Variants in LYN observed in about 807,000 individuals in gnomAD.
LYN encodes LYN proto-oncogene, Src family tyrosine kinase.
Under a neutral mutation model 65.0 loss-of-function variants are expected in LYN, and 12 were observed. The ratio of observed to expected loss-of-function variants is 0.18; its 90% CI spans 0.12 to 0.30. LYN has a LOEUF of 0.30. Among genes scored for constraint, LYN ranks in the 10% least tolerant of loss-of-function variants. The pLI, the probability that LYN is intolerant of heterozygous loss-of-function variation, is 1.00. For synonymous variants in LYN, 222 were observed against 221.2 expected (o/e 1.00, Z -0.03); for missense variants, 380 against 623.2 (o/e 0.61, Z 4.16).
At chr8:55,967,522 G>A (rs1807496662) in intron 9 of LYN, among the ~76,000 whole-genome samples, 1 of 151,828 alleles carries the variant, frequency 6.6e-6, no homozygotes, top group Non-Finnish European at 1.5e-5. Flanking sequence ...CGCCATGTTG[G>A]CCAGGCTGGT....
At chr8:56,007,077 T>A (rs1384394457) in intron 12 of LYN, among the ~76,000 whole-genome samples, 2 of 152,016 alleles carry the variant, frequency 1.3e-5, no homozygotes, top group East Asian at 1.9e-4. Context: ...GAAAAAAAAA[T>A]CTGCTGTGGG....
chr8:56,006,516 C>G (rs1219831438), intron 12 of LYN, among the ~76,000 whole-genome samples: 2 of 150,712 alleles, frequency 1.3e-5, no homozygotes, highest in African/African-American at 2.5e-5. Context: ...TTTTCTCCTT[C>G]TTCTGCTTCT....
intron 1 of LYN, among the ~76,000 whole-genome samples, chr8:55,906,116 T>C (rs1171175669): frequency 6.6e-6 from 1 of 152,228 alleles, no homozygotes; most frequent in Non-Finnish European, 1.5e-5. Flanking sequence ...GAGGTCGCCC[T>C]GTAAACTCTG....
At chr8:55,899,973 G>A (rs1805214885) in intron 1 of LYN, among the ~76,000 whole-genome samples, 1 of 152,134 alleles carries the variant, frequency 6.6e-6, no homozygotes, top group South Asian at 2.1e-4. Flanking sequence ...AAGTAAAGAT[G>A]AATTACCTTG....
chr8:55,964,894 C>T (rs890408449), intron 8 of LYN, among the ~76,000 whole-genome samples: 2 of 152,186 alleles, frequency 1.3e-5, no homozygotes, highest in Admixed American at 6.5e-5. Context: ...TACTCTTGCA[C>T]CCTAAAAAGG....
chr8:55,995,013 C>G (rs1238215217), intron 10 of LYN, among the ~76,000 whole-genome samples: 1 of 152,210 alleles, frequency 6.6e-6, no homozygotes, highest in Non-Finnish European at 1.5e-5. Context: ...GTTTTACTGG[C>G]TTTTTCTAAC....
At position 55,961,247 on chromosome 8, in the gene LYN, CT is replaced by C. The variant is rs1461201447; in HGVS notation, c.791-5465del. On this transcript the variant is annotated intron_variant, in intron 8 of 12. Coordinates refer to ENST00000519728, the MANE Select transcript of LYN (RefSeq NM_002350.4). ...GCTCTCAAGGTGCCACATCAGCTTT[CT>C]TTAACTGTGGCAAAGTGTCACTCCA... is the stretch of plus-strand genomic sequence containing the variant. Among the ~76,000 whole-genome samples the C allele has an allele frequency of 5.3e-5, 8 of 152,302 alleles. 1 individual carries two copies. In the South Asian group the frequency reaches 1.2e-3, roughly 24 times the overall value.
At chr8:55,944,635 C>A (rs909484170) in intron 2 of LYN, among the ~76,000 whole-genome samples, 2 of 152,194 alleles carry the variant, frequency 1.3e-5, no homozygotes, top group Non-Finnish European at 2.9e-5. Context: ...CATGCACCAC[C>A]ATGCCTGGCT....
intron 2 of LYN, among the ~76,000 whole-genome samples, chr8:55,943,575 C>CA (rs71555625): frequency 0.34 from 26,323 of 77,540 alleles, 3,826 homozygotes; most frequent in Non-Finnish European, 0.41. Context: ...GACTCTGTCT[C>CA]AAAAAAAAAA....
At chr8:55,995,426 G>A (rs966745023) in intron 10 of LYN, among the ~76,000 whole-genome samples, 5 of 152,298 alleles carry the variant, frequency 3.3e-5, no homozygotes, top group South Asian at 2.1e-4. Context: ...CCTACTGTCC[G>A]TCTGGTTTCT....
intron 1 of LYN, among the ~76,000 whole-genome samples, chr8:55,913,243 T>G (rs574753150): frequency 6.6e-6 from 1 of 152,346 alleles, no homozygotes; most frequent in Admixed American, 6.5e-5. Flanking sequence ...ATAAATAGTT[T>G]TAAAGTTTGC....
At chr8:56,002,662 G>T (rs1349693444) in intron 12 of LYN, among the ~76,000 whole-genome samples, 2 of 148,148 alleles carry the variant, frequency 1.3e-5, no homozygotes, top group African/African-American at 5.2e-5. Context: ...AAAATAAAAA[G>T]AGAACCAGTA....
chr8:55,999,971 G>A (rs187483147), intron 12 of LYN, among the ~76,000 whole-genome samples: 12 of 151,832 alleles, frequency 7.9e-5, no homozygotes, highest in East Asian at 5.8e-4. Context: ...ACTCCATCTC[G>A]AAACAAAAAA....
intron 1 of LYN, among the ~76,000 whole-genome samples, chr8:55,902,459 C>G (rs1327716600): frequency 2.0e-5 from 3 of 151,538 alleles, no homozygotes; most frequent in South Asian, 4.1e-4. Flanking sequence ...TCCTGAGTAG[C>G]TGGAATTACA....
At chr8:55,969,622 G>A in intron 9 of LYN, 95 bp from the exon 10 acceptor site, 1 of 922,718 alleles carries the variant, frequency 1.1e-6, no homozygotes, top group South Asian at 1.3e-5. Context: ...CATTTTGTGG[G>A]GAGTTCCCCT....
intron 1 of LYN, among the ~76,000 whole-genome samples, chr8:55,920,434 C>T (rs181582824): frequency 1.2e-4 from 18 of 152,160 alleles, no homozygotes; most frequent in African/African-American, 4.1e-4. Context: ...TTTTGGAGGA[C>T]GGGGGCGGAT....
intron 11 of LYN, 88 bp downstream of exon 11, chr8:55,998,587 C>A (rs528244519): frequency 3.9e-6 from 5 of 1,272,482 alleles, no homozygotes; most frequent in African/African-American, 1.5e-5. Flanking sequence ...ACAATAGTCA[C>A]CATTAAGAAA....
chr8:55,899,067 A>G (rs1252029452), intron 1 of LYN, among the ~76,000 whole-genome samples: 1 of 152,128 alleles, frequency 6.6e-6, no homozygotes, highest in African/African-American at 2.4e-5. Context: ...GAGACACTGT[A>G]CCCAGCTAAG....
intron 8 of LYN, among the ~76,000 whole-genome samples, chr8:55,959,561 C>G (rs1807216296): frequency 6.6e-6 from 1 of 152,150 alleles, no homozygotes; most frequent in Admixed American, 6.5e-5. Flanking sequence ...AGAAATTGCC[C>G]AGGGTTTCCC....
Sources: gnomAD v4.1 joint callset for allele counts (sites outside exome capture counted in the v4.1 genomes callset) on GRCh38, gnomAD v4.1.1 for gene constraint, MANE v1.5 for transcripts, NCBI Gene and HGNC (gene_info 2026-07-23, HGNC 2026-07-21) for gene names.